Variants in KIAA1671 observed in about 807,000 individuals in gnomAD.
KIAA1671 encodes KIAA1671.
Under a neutral mutation model 131.2 loss-of-function variants are expected in KIAA1671, and 52 were observed. That is an observed-to-expected ratio of 0.40 (90% CI 0.32 to 0.50). The LOEUF is 0.50. Ranked by LOEUF, KIAA1671 falls within the 20% of genes least tolerant of loss-of-function variation. The pLI is 0.73. For synonymous variants in KIAA1671, 1,003 were observed against 961.6 expected, an observed-to-expected ratio of 1.04 and a Z score of -0.80; for missense variants, 2,360 against 2,364.2, an observed-to-expected ratio of 1.00 and a Z score of 0.04.
chr22:25,155,438 T>C (rs185960248), intron 6 of KIAA1671, among the ~76,000 whole-genome samples: 1 of 151,500 alleles, frequency 6.6e-6, no homozygotes, highest in East Asian at 1.9e-4. Context: ...TGTGGGGGGG[T>C]TTTTGTAGGT....
intron 6 of KIAA1671, among the ~76,000 whole-genome samples, chr22:25,126,052 T>C (rs1179946986): frequency 3.9e-5 from 6 of 152,228 alleles, no homozygotes; most frequent in African/African-American, 1.2e-4. Context: ...CATAGTTCTT[T>C]ATAAACAGTG....
intron 6 of KIAA1671, among the ~76,000 whole-genome samples, chr22:25,068,692 T>C (rs1928635021): frequency 6.6e-6 from 1 of 152,184 alleles, no homozygotes; most frequent in South Asian, 2.1e-4. Context: ...CACCTTGGCC[T>C]CCCAAAGTTC....
intron 2 of KIAA1671, among the ~76,000 whole-genome samples, chr22:25,027,637 C>A (rs1041243537): frequency 1.3e-5 from 2 of 152,226 alleles, no homozygotes; most frequent in Non-Finnish European, 2.9e-5. Flanking sequence ...TAGCAGAGAT[C>A]ACTGCTTTTT....
At position 25,040,202 on chromosome 22, in the gene KIAA1671, G is replaced by C; in HGVS notation, c.3072G>C (p.Lys1024Asn). 1 of 1,551,680 alleles carries C rather than the reference G, an allele frequency of 6.4e-7. No homozygotes were observed. Among genetic ancestry groups the C allele is most frequent in the Non-Finnish European group, 8.7e-7 (1 of 1,147,006 alleles). The change falls in exon 5 of 13, where the codon AAG (lysine) becomes AAC (asparagine). Residue 1024 changes from lysine (K) to asparagine (N), a missense_variant. This residue lies in a region of KIAA1671 where 1,161 missense variants were observed against 1,204.7 expected (regional missense o/e 0.96). Transcript: ENST00000358431. Reference protein sequence around the residue: ...AVKQGSPVEPKATFFAVTYQI... With the variant: ...AVKQGSPVEPNATFFAVTYQI... Reference sequence around the variant, plus strand: ...AGCAAGGGTCACCTGTGGAACCCAAGGCGACATTTTTTGCAGTCACCTATC... The same window carrying C: ...AGCAAGGGTCACCTGTGGAACCCAACGCGACATTTTTTGCAGTCACCTATC...
rs1052184326 is a variant in KIAA1671, at chr22:24,988,788, G to T, written c.-208+36016G>T. Among the ~76,000 whole-genome samples, 5 of 150,230 alleles carry T rather than the reference G, an allele frequency of 3.3e-5. No homozygotes were observed. The East Asian group carries it at 7.9e-4, about 24-fold the overall frequency. On this transcript the variant is annotated intron_variant, in intron 1 of 12. Transcript: ENST00000358431. Reference sequence around the variant, plus strand: ...GGGTGGTTTATCTCATCTGAGAATTGTGGTCCGGTGTCAGACCCAAAGATG... The same window carrying T: ...GGGTGGTTTATCTCATCTGAGAATTTTGGTCCGGTGTCAGACCCAAAGATG...
chr22:25,126,170 C>T (rs1210210565), intron 6 of KIAA1671, among the ~76,000 whole-genome samples: 1 of 152,212 alleles, frequency 6.6e-6, no homozygotes, highest in Non-Finnish European at 1.5e-5. Context: ...CCCAGTCCCT[C>T]ATCTCCTGGC....
At chr22:24,981,938 A>C (rs1419894075) in intron 1 of KIAA1671, among the ~76,000 whole-genome samples, 1 of 152,122 alleles carries the variant, frequency 6.6e-6, no homozygotes, top group Non-Finnish European at 1.5e-5. Context: ...GGTGATTCTT[A>C]TGGCACCTGG....
chr22:25,041,541 CTT>C lies in KIAA1671; in HGVS notation c.4395+20_4395+21del. Reference sequence around the variant, plus strand: ...CAGTCACAAGGTAAGTACCGAGACACTTTTTAATTTTGTCAAACATGGTTTAA... The same window carrying C: ...CAGTCACAAGGTAAGTACCGAGACACTTTAATTTTGTCAAACATGGTTTAA... On this transcript the variant is annotated intron_variant, in intron 5 of 12. Coordinates refer to ENST00000358431, the MANE Select transcript of KIAA1671 (RefSeq NM_001145206.2). 9.3e-6 allele frequency: 14 copies of C among 1,501,022 alleles called. No homozygotes were observed. Among genetic ancestry groups the C allele is most frequent in the Non-Finnish European group, 1.1e-5 (12 of 1,124,974 alleles). 93.0% of individuals were successfully genotyped at this position (1,501,022 alleles called of 1,614,324 possible). A position where few individuals can be genotyped will look rare whatever the true frequency, so the allele number is the denominator to read the frequency against.
At position 25,180,487 on chromosome 22, in the gene KIAA1671, G is replaced by A. The variant is rs182424077; in HGVS notation, c.5075-1212G>A. Among the ~76,000 whole-genome samples the A allele has an allele frequency of 3.2e-3, 493 of 152,040 alleles. 20 individuals are homozygous for A. Among genetic ancestry groups the A allele is most frequent in the Admixed American group, 0.029 (442 of 15,300 alleles). ...CAGGAGGCGGAGGTTGCAGGGAGCC[G>A]AGATCGTGCCACTGCACTCCAGCCT... On this transcript the variant is annotated intron_variant, in intron 9 of 12. Transcript: ENST00000358431.
intron 1 of KIAA1671, among the ~76,000 whole-genome samples, chr22:24,998,854 T>TA (rs1038764469): frequency 3.3e-5 from 5 of 151,894 alleles, no homozygotes; most frequent in African/African-American, 1.2e-4. Flanking sequence ...TTTTTTTTTT[T>TA]ATTGTTGTAT....
intron 5 of KIAA1671, among the ~76,000 whole-genome samples, chr22:25,045,267 A>G (rs1269085175): frequency 6.6e-6 from 1 of 152,214 alleles, no homozygotes; most frequent in Non-Finnish European, 1.5e-5. Flanking sequence ...CTCTAGGCCC[A>G]TTAGTGGTTT....
rs1253901598 is a variant in KIAA1671, at chr22:25,039,879, G to T, written c.2749G>T (p.Ala917Ser). The T allele has an allele frequency of 1.7e-5, 26 of 1,551,378 alleles. No individual in the cohort carries two copies. The highest frequency in any genetic ancestry group is 7.8e-5 in the Admixed American group (4 of 50,968). Reference sequence around the variant, plus strand: ...GCAGAAAGGGCCCTTCATTGTAGCCGCCAGGGAGGGTGATCCAGGGCCGGC... The same window carrying T: ...GCAGAAAGGGCCCTTCATTGTAGCCTCCAGGGAGGGTGATCCAGGGCCGGC... ...AVQKGPFIVA[A>S]REGDPGPAQV... The change falls in exon 5 of 13, where the codon GCC becomes TCC. Residue 917 changes from alanine to serine, a missense_variant. Physicochemically the swap from Ala to Ser is moderately conservative, Grantham distance 99. Coordinates refer to ENST00000358431, the MANE Select transcript of KIAA1671 (RefSeq NM_001145206.2).
chr22:25,039,573 G>A lies in KIAA1671; in HGVS notation c.2443G>A (p.Gly815Ser). Reference sequence around the variant, plus strand: ...TGAGGCTAGTGGACCGAAGTTTGGGGGCAATTGCCCGTTTCCCAAATGGAC... The same window carrying A: ...TGAGGCTAGTGGACCGAAGTTTGGGAGCAATTGCCCGTTTCCCAAATGGAC... Reference protein sequence around the residue: ...MPEASGPKFGGNCPFPKWTGG... With the variant: ...MPEASGPKFGSNCPFPKWTGG... Residue 815 changes from glycine (G) to serine (S), a missense_variant, in exon 5 of 13, where the codon GGC becomes AGC. Transcript: ENST00000358431. The A allele has an allele frequency of 6.4e-7, 1 of 1,551,800 alleles. No individual in the cohort carries two copies. Among genetic ancestry groups the A allele is most frequent in the South Asian group, 1.2e-5 (1 of 84,068 alleles).
rs1933957938 is a variant in KIAA1671, at chr22:25,174,504, A to T, written c.4899+15A>T. On this transcript the variant is annotated intron_variant, in intron 8 of 12. Coordinates refer to ENST00000358431, the MANE Select transcript of KIAA1671 (RefSeq NM_001145206.2). ...CCTTCATTGATGTAAGTCAGTGGCC[A>T]GGAGCATTTCTTCTTAAATGGAAAT... 2 of 1,494,158 alleles carry T rather than the reference A, an allele frequency of 1.3e-6. No individual in the cohort carries two copies. The highest frequency in any genetic ancestry group is 2.8e-5 in the African/African-American group (2 of 71,150). The allele number at this position is 1,494,158 out of a possible 1,614,324, so 92.6% of individuals were successfully genotyped here.
chr22:25,037,833 A>G (rs904724602), intron 4 of KIAA1671, among the ~76,000 whole-genome samples: 4 of 151,880 alleles, frequency 2.6e-5, no homozygotes, highest in Non-Finnish European at 5.9e-5. Context: ...ATCAGTATTT[A>G]ATTCCTTTTA....
intron 8 of KIAA1671, chr22:25,175,727 A>G (rs1460253824): frequency 6.6e-6 from 1 of 152,188 alleles, no homozygotes; most frequent in East Asian, 1.9e-4. Flanking sequence ...AGTGTTGACC[A>G]CTGGCCCAGG....
At chr22:25,173,339 A>T (rs952020634) in intron 7 of KIAA1671, among the ~76,000 whole-genome samples, 8 of 152,184 alleles carry the variant, frequency 5.3e-5, no homozygotes, top group African/African-American at 1.9e-4. Flanking sequence ...GCTAATCCTC[A>T]TAGGATTATT....
intron 6 of KIAA1671, among the ~76,000 whole-genome samples, chr22:25,159,418 G>C: frequency 1.3e-5 from 2 of 152,264 alleles, no homozygotes; most frequent in Admixed American, 1.3e-4. Flanking sequence ...CTCCCTGGAC[G>C]TCAGGTCCAG....
intron 6 of KIAA1671, among the ~76,000 whole-genome samples, chr22:25,158,856 A>G (rs1454180612): frequency 1.3e-5 from 2 of 152,204 alleles, no homozygotes; most frequent in Non-Finnish European, 2.9e-5. Flanking sequence ...TTACTATTTA[A>G]TGTGTCAGAA....
Sources: allele counts gnomAD v4.1 joint callset (sites outside exome capture counted in the v4.1 genomes callset), GRCh38; gene constraint gnomAD v4.1.1; regional missense constraint gnomAD v4.1.1; transcripts MANE v1.5; gene names NCBI Gene and HGNC (gene_info 2026-07-23, HGNC 2026-07-21).